The following CXCL9 variants were observed in gnomAD, a reference collection of about 807,000 sequenced individuals.
The protein encoded by CXCL9 is C-X-C motif chemokine 9.
Under a neutral mutation model 11.7 loss-of-function variants are expected in CXCL9, and 8 were observed. That is an observed-to-expected ratio of 0.68 (90% CI 0.40 to 1.23). The LOEUF is 1.23. CXCL9 is among the 50% of genes most tolerant of loss of function. CXCL9 has a pLI of 0.01. For missense variants in CXCL9, 133 were observed against 141.7 expected, an observed-to-expected ratio of 0.94 and a Z score of 0.31; for synonymous variants, 43 against 48.2, an observed-to-expected ratio of 0.89 and a Z score of 0.45.
intron 2 of CXCL9, 130 bp from the exon 3 acceptor site, chr4:76,005,023 A>T (rs1731558188): frequency 7.8e-7 from 1 of 1,275,300 alleles, no homozygotes; most frequent in Admixed American, 3.9e-5. Flanking sequence ...ATTTCCTAGG[A>T]CAAGATGAGT....
At chr4:76,004,683 T>C (rs970539025) in intron 3 of CXCL9, 126 bp downstream of exon 3, 1 of 1,337,142 alleles carries the variant, frequency 7.5e-7, no homozygotes, top group Non-Finnish European at 9.6e-7. Flanking sequence ...AGAAGCACCA[T>C]AATATGAATG....
At position 76,001,994 on chromosome 4, in the gene CXCL9, C is replaced by G. The variant is rs923536565; in HGVS notation, c.*1604G>C. 3.0e-5 allele frequency: 8 copies of G among 268,084 alleles called. No individual in the cohort carries two copies. Among genetic ancestry groups the G allele is most frequent in the African/African-American group, 1.5e-4 (7 of 45,636 alleles). 16.6% of individuals were successfully genotyped at this position (268,084 alleles called of 1,614,324 possible). On this transcript the variant is annotated 3_prime_UTR_variant, in exon 4 of 4. Coordinates refer to ENST00000264888, the MANE Select transcript of CXCL9 (RefSeq NM_002416.3). ...CCACTAACCGACTTGGCTGCTTCCT[C>G]TAGCGCTTAGTACTTCACCGTTCCC...
chr4:76,006,291 GAT>G lies in CXCL9; in HGVS notation c.65-19_65-18del. 3 of 1,612,066 alleles carry G rather than the reference GAT, an allele frequency of 1.9e-6. No individual in the cohort carries two copies. The highest frequency in any genetic ancestry group is 1.1e-5 in the South Asian group (1 of 90,988). On this transcript the variant is annotated intron_variant, in intron 1 of 3. Transcript: ENST00000264888. ...CTGGGGTTCCTGAGGGAAAGAAAAA[GAT>G]AGAACACATCAGTATAGGCCAATGT...
At chr4:76,006,460 A>G (rs1002943542) in intron 1 of CXCL9, among the ~76,000 whole-genome samples, 186 bp from the exon 2 acceptor site, 5 of 152,246 alleles carry the variant, frequency 3.3e-5, no homozygotes, top group African/African-American at 1.2e-4. Flanking sequence ...ACTAAGGTTC[A>G]GAAAGATTAA....
chr4:76,006,332 A>T, intron 1 of CXCL9, 58 bp from the exon 2 acceptor site: 1 of 1,525,564 alleles, frequency 6.6e-7, no homozygotes. Flanking sequence ...AGTTTAGGTG[A>T]TCTATCAAAA....
Position 76,002,201 on chromosome 4 carries a change from T to C in CXCL9, c.*1397A>G, listed in dbSNP as rs1731480479. The C allele has an allele frequency of 5.0e-6, 2 of 396,750 alleles. No individual in the cohort carries two copies. Among genetic ancestry groups the C allele is most frequent in the Non-Finnish European group, 8.9e-6 (2 of 225,100 alleles). The allele number at this position is 396,750 out of a possible 1,614,324, so 24.6% of individuals were successfully genotyped here. On this transcript the variant is annotated 3_prime_UTR_variant, in exon 4 of 4. Transcript: ENST00000264888. ...GCCCTTTTCCTTCGGGAAAAGGAAT[T>C]TTTGTATGGTTGGGAAAAGGTTGGT...
rs1354472775 is a variant in CXCL9, at chr4:76,003,405, C to T, written c.*193G>A. The T allele has an allele frequency of 3.7e-6, 2 of 546,178 alleles. No homozygotes were observed. The highest frequency in any genetic ancestry group is 6.4e-6 in the Non-Finnish European group (2 of 311,266). 33.8% of individuals were successfully genotyped at this position (546,178 alleles called of 1,614,324 possible). A position where few individuals can be genotyped will look rare whatever the true frequency, so the allele number is the denominator to read the frequency against. On this transcript the variant is annotated 3_prime_UTR_variant, in exon 4 of 4. Coordinates refer to ENST00000264888, the MANE Select transcript of CXCL9 (RefSeq NM_002416.3). Reference sequence around the variant, plus strand: ...GGTAGAAGAACAAAGACAATCATAGCCTTTAACAATTCTTAACGTTTGGAT... The same window carrying T: ...GGTAGAAGAACAAAGACAATCATAGTCTTTAACAATTCTTAACGTTTGGAT...
In CXCL9 at chr4:76,001,297, T is replaced by C. The variant is rs1731458584; in HGVS notation, c.*2301A>G. The C allele has an allele frequency of 6.6e-6, 1 of 151,930 alleles. No individual in the cohort carries two copies. Among genetic ancestry groups the C allele is most frequent in the South Asian group, 2.1e-4 (1 of 4,820 alleles). 9.4% of individuals were successfully genotyped at this position (151,930 alleles called of 1,614,324 possible). A position where few individuals can be genotyped will look rare whatever the true frequency, so the allele number is the denominator to read the frequency against. ...GCAGTGTTGTCATATTTTCCATAGG[T>C]TTTTTTTCCTGTTCCCGATCGACCC... is the stretch of plus-strand genomic sequence containing the variant. On this transcript the variant is annotated 3_prime_UTR_variant, in exon 4 of 4. Transcript: ENST00000264888.
intron 3 of CXCL9, among the ~76,000 whole-genome samples, 198 bp downstream of exon 3, chr4:76,004,610 TC>T (rs927735861): frequency 5.9e-5 from 9 of 152,190 alleles, no homozygotes; most frequent in African/African-American, 2.2e-4. Context: ...CACACATTCT[TC>T]CAGTGGGAGA....
chr4:76,005,750 T>C (rs1731572276), intron 2 of CXCL9: 1 of 167,506 alleles, frequency 6.0e-6, no homozygotes, highest in Non-Finnish European at 1.3e-5. Context: ...GTGTATAGTA[T>C]ATGATTTAAT....
chr4:76,003,972 ACC>A (rs1363998533), intron 3 of CXCL9, among the ~76,000 whole-genome samples: 1 of 152,036 alleles, frequency 6.6e-6, no homozygotes, highest in Non-Finnish European at 1.5e-5. Context: ...CCCAGCTACA[ACC>A]CTCTGAAGGT....
chr4:76,004,774 A>T (rs1274599406), intron 3 of CXCL9, 35 bp downstream of exon 3: 1 of 1,582,740 alleles, frequency 6.3e-7, no homozygotes, highest in East Asian at 2.3e-5. Flanking sequence ...TTAATTTCTA[A>T]AAGAAAGAAA....
In CXCL9 at chr4:76,004,845, T is replaced by C. The variant is rs781665039; in HGVS notation, c.240A>G (p.Ala80=). 2 of 1,610,026 alleles carry C rather than the reference T, an allele frequency of 1.2e-6. No individual in the cohort carries two copies. Among genetic ancestry groups the C allele is most frequent in the South Asian group, 2.2e-5 (2 of 89,644 alleles). ...GVQTCLNPDS[A]DVKELIKKWE... ...ACTTTTTAATCAGTTCCTTCACATC[T>C]GCTGAATCTGGGTTTAGACATGTTT... is the stretch of plus-strand genomic sequence containing the variant. Residue 80 remains alanine (A), a synonymous_variant, in exon 3 of 4, where the codon GCA becomes GCG. Coordinates refer to ENST00000264888, the MANE Select transcript of CXCL9 (RefSeq NM_002416.3).
intron 1 of CXCL9, among the ~76,000 whole-genome samples, chr4:76,006,845 A>C (rs1731596029): frequency 6.6e-6 from 1 of 152,234 alleles, no homozygotes; most frequent in Non-Finnish European, 1.5e-5. Context: ...AAAATACATT[A>C]TCTTAATTCT....
chr4:76,004,924 T>C, intron 2 of CXCL9, 31 bp from the exon 3 acceptor site: 1 of 1,506,446 alleles, frequency 6.6e-7, no homozygotes, highest in Non-Finnish European at 8.8e-7. Context: ...AGATAGTTTT[T>C]TCTCATTAAT....
intron 2 of CXCL9, chr4:76,005,616 C>G (rs1731569931): frequency 6.6e-6 from 1 of 152,090 alleles, no homozygotes. Context: ...TATGGTTTAT[C>G]CATATGATGA....
intron 1 of CXCL9, 22 bp downstream of exon 1, chr4:76,007,364 A>T (rs1176495257): frequency 1.4e-6 from 2 of 1,397,850 alleles, no homozygotes; most frequent in Admixed American, 3.3e-5. Flanking sequence ...CTTACTTTAC[A>T]ACCTAACTCA....
chr4:76,003,151 T>C lies in CXCL9; in HGVS notation c.*447A>G, dbSNP rs1335057950. ...TACAGAGGTTGATGGCCACAGCAGCTTGGTGAGGTCCAGCTCAATTTCAAA... is the reference window on the plus strand; with the variant it reads ...TACAGAGGTTGATGGCCACAGCAGCCTGGTGAGGTCCAGCTCAATTTCAAA... On this transcript the variant is annotated 3_prime_UTR_variant, in exon 4 of 4. Coordinates refer to ENST00000264888, the MANE Select transcript of CXCL9 (RefSeq NM_002416.3). 2 of 157,614 alleles carry C rather than the reference T, an allele frequency of 1.3e-5. No individual in the cohort carries two copies. The highest frequency in any genetic ancestry group is 2.8e-5 in the Non-Finnish European group (2 of 71,982). 9.8% of individuals were successfully genotyped at this position (157,614 alleles called of 1,614,324 possible). A position where few individuals can be genotyped will look rare whatever the true frequency, so the allele number is the denominator to read the frequency against.
In CXCL9 at chr4:76,006,263, C is replaced by T. The variant is rs747721834; in HGVS notation, c.76G>A (p.Val26Met). ...ATGCAGGAACAGCGACCCTTTCTCACTACTGGGGTTCCTGAGGGAAAGAAA... is the reference window on the plus strand; with the variant it reads ...ATGCAGGAACAGCGACCCTTTCTCATTACTGGGGTTCCTGAGGGAAAGAAA... ...VLIGVQGTPVVRKGRCSCIST... is the reference protein window; with the variant it reads ...VLIGVQGTPVMRKGRCSCIST... Residue 26 changes from valine (V) to methionine (M), a missense_variant, in exon 2 of 4, where the codon GTG becomes ATG. By Grantham distance (21) the Val-to-Met change is conservative. Transcript: ENST00000264888. 6.2e-7 allele frequency: 1 copy of T among 1,613,578 alleles called. No individual in the cohort carries two copies. The highest frequency in any genetic ancestry group is 1.3e-5 in the African/African-American group (1 of 75,026).
Sources: gnomAD v4.1 joint callset for allele counts (sites outside exome capture counted in the v4.1 genomes callset) on GRCh38, gnomAD v4.1.1 for gene constraint, MANE v1.5 for transcripts, NCBI Gene and HGNC (gene_info 2026-07-23, HGNC 2026-07-21) for gene names.